UNC13B: variants seen among roughly 807,000 people sequenced by gnomAD.
UNC13B encodes the protein unc-13 homolog B.
In UNC13B, 144 loss-of-function variants were observed where a neutral mutation model predicts 211.0. The ratio of observed to expected loss-of-function variants is 0.68; its 90% confidence interval spans 0.60 to 0.78. The LOEUF (loss-of-function observed/expected upper bound fraction) is 0.78. Among genes scored for constraint, UNC13B ranks in the 30% least tolerant of loss-of-function variants. The pLI is 0.00. For missense variants in UNC13B, 1,777 were observed against 2,002.0 expected (o/e 0.89, Z 2.14); for synonymous variants, 709 against 725.8 (o/e 0.98, Z 0.37).
chr9:35,227,848 C>A, intron 1 of UNC13B, 167 bp from the exon 2 acceptor site: 1 of 528,082 alleles, frequency 1.9e-6, no homozygotes, highest in African/African-American at 2.0e-5. Context: ...TCTCGTCTGA[C>A]TCTTTGCCTT....
intron 7 of UNC13B, among the ~76,000 whole-genome samples, chr9:35,287,835 C>T (rs1262240973): frequency 6.6e-6 from 1 of 152,082 alleles, no homozygotes; most frequent in African/African-American, 2.4e-5. Context: ...GAGCTCCACA[C>T]CCGTATATCT....
At position 35,306,656 on chromosome 9, in the gene UNC13B, T is replaced by C. The variant is rs1331479984; in HGVS notation, c.7252T>C (p.Leu2418=). 1 of 398,934 alleles carries C rather than the reference T, an allele frequency of 2.5e-6. No individual in the cohort carries two copies. Among genetic ancestry groups the C allele is most frequent in the Non-Finnish European group, 4.4e-6 (1 of 226,084 alleles). 24.7% of individuals were successfully genotyped at this position (398,934 alleles called of 1,614,324 possible). The change falls in exon 9 of 40, where the codon TTA becomes CTA. Residue 2418 remains leucine (L), a synonymous_variant. Coordinates refer to ENST00000635942, the MANE Select transcript of UNC13B (RefSeq NM_001371189.2). ...ATTAGAAAAGGCCCCCGATGAGGTC[T>C]TACCACAGATCCTAGAGCCAGCCTC... ...LPLEKAPDEV[L]PQILEPASSS...
intron 10 of UNC13B, among the ~76,000 whole-genome samples, chr9:35,312,830 A>G (rs1308757736): frequency 6.6e-6 from 1 of 152,178 alleles, no homozygotes; most frequent in Non-Finnish European, 1.5e-5. Context: ...TCTCAAAGGT[A>G]TTTTGTTATG....
At chr9:35,184,806 G>C (rs1421299044) in intron 1 of UNC13B, among the ~76,000 whole-genome samples, 5 of 904 alleles carry the variant, frequency 5.5e-3, no homozygotes, top group Non-Finnish European at 0.026. Context: ...AGAAGCGGGG[G>C]GGGGGGGGGA....
intron 9 of UNC13B, among the ~76,000 whole-genome samples, chr9:35,309,454 G>A (rs1305173076): frequency 6.6e-6 from 1 of 152,054 alleles, no homozygotes; most frequent in Admixed American, 6.6e-5. Context: ...GTAAACACAA[G>A]CCCTTTAGTT....
chr9:35,206,315 GTCTC>G (rs915107442), intron 1 of UNC13B, among the ~76,000 whole-genome samples: 1 of 152,102 alleles, frequency 6.6e-6, no homozygotes, highest in Non-Finnish European at 1.5e-5. Context: ...CAATTATTGT[GTCTC>G]TCTACTTCCA....
intron 1 of UNC13B, among the ~76,000 whole-genome samples, chr9:35,203,964 A>G (rs1487158115): frequency 6.6e-6 from 1 of 152,238 alleles, no homozygotes; most frequent in Non-Finnish European, 1.5e-5. Flanking sequence ...AGCCTCTCCC[A>G]TCACAGGCCC....
intron 1 of UNC13B, among the ~76,000 whole-genome samples, chr9:35,165,014 A>G (rs776368852): frequency 6.6e-6 from 1 of 152,202 alleles, no homozygotes. Context: ...ATTTCCTTCT[A>G]AGAAGCATAT....
In UNC13B at chr9:35,248,689, G is replaced by A. The variant is rs182224166; in HGVS notation, c.468+5325G>A. On this transcript the variant is annotated intron_variant, in intron 6 of 39. Transcript: ENST00000635942. Reference sequence around the variant, plus strand: ...TTTTGAATGAGTTTATTACTCCTGAGTTCTAGTTTGATTGCACTGTGGTCT... The same window carrying A: ...TTTTGAATGAGTTTATTACTCCTGAATTCTAGTTTGATTGCACTGTGGTCT... 3.3e-3 allele frequency among the ~76,000 whole-genome samples: 506 copies of A among 152,268 alleles called. 14 individuals carry two copies. The highest frequency in any genetic ancestry group is 0.031 in the Admixed American group (477 of 15,286).
chr9:35,294,788 T>G (rs1284188825), intron 7 of UNC13B, among the ~76,000 whole-genome samples: 1 of 152,194 alleles, frequency 6.6e-6, no homozygotes, highest in Non-Finnish European at 1.5e-5. Context: ...TTCCTCTCTG[T>G]AAAACAGGCT....
In UNC13B at chr9:35,262,998, T is replaced by C. The variant is rs373048040; in HGVS notation, c.526+3948T>C. On this transcript the variant is annotated intron_variant, in intron 7 of 39. Transcript: ENST00000635942. ...CCTTTTTGGTCATTTATGATATTGA[T>C]CTTTTTTTATTTACAAAAATAGTTT... 2.0e-5 allele frequency among the ~76,000 whole-genome samples: 3 copies of C among 152,314 alleles called. No homozygotes were observed. The East Asian group carries it at 5.8e-4, about 29-fold the overall frequency.
In UNC13B at chr9:35,389,910, T is replaced by C; in HGVS notation, c.11159T>C (p.Leu3720Pro). Residue 3720 changes from leucine (L) to proline (P), a missense_variant, in exon 25 of 40, where the codon CTC becomes CCC. Transcript: ENST00000635942. ...SIRNLDFWPK[L>P]ITLIVSIIEE... ...CGGAACCTGGATTTCTGGCCCAAGC[T>C]CATCACACTCATCGTGTCAATCATA... 4 of 1,614,108 alleles carry C rather than the reference T, an allele frequency of 2.5e-6. No homozygotes were observed. The highest frequency in any genetic ancestry group is 2.5e-6 in the Non-Finnish European group (3 of 1,179,986).
intron 1 of UNC13B, among the ~76,000 whole-genome samples, chr9:35,194,606 C>T (rs538615004): frequency 1.3e-5 from 2 of 152,270 alleles, no homozygotes; most frequent in African/African-American, 4.8e-5. Flanking sequence ...CCACGCTAAC[C>T]GTGTTTTTAA....
chr9:35,271,867 C>T (rs956080693), intron 7 of UNC13B, among the ~76,000 whole-genome samples: 9 of 152,170 alleles, frequency 5.9e-5, no homozygotes, highest in Non-Finnish European at 1.0e-4. Context: ...TCCTGGCCAA[C>T]GTGGTGAAAC....
intron 12 of UNC13B, 87 bp downstream of exon 12, chr9:35,367,080 G>C: frequency 1.5e-6 from 2 of 1,315,882 alleles, no homozygotes; most frequent in Non-Finnish European, 2.2e-6. Flanking sequence ...AGGGGAACCA[G>C]CTTCATAAGC....
intron 3 of UNC13B, among the ~76,000 whole-genome samples, chr9:35,231,453 A>G (rs1825197526): frequency 6.6e-6 from 1 of 152,196 alleles, no homozygotes; most frequent in Non-Finnish European, 1.5e-5. Flanking sequence ...CTTAGAGATG[A>G]ATGATAATGC....
At chr9:35,247,528 A>C (rs1400384291) in intron 6 of UNC13B, among the ~76,000 whole-genome samples, 9 of 152,180 alleles carry the variant, frequency 5.9e-5, no homozygotes, top group Non-Finnish European at 1.2e-4. Context: ...GATACGTCCC[A>C]TCAGTACCTA....
chr9:35,255,963 A>G (rs1296472893), intron 6 of UNC13B, among the ~76,000 whole-genome samples: 1 of 152,162 alleles, frequency 6.6e-6, no homozygotes, highest in African/African-American at 2.4e-5. Flanking sequence ...AGTTCAGCCT[A>G]TGCCCAGGAA....
rs1427033585 is a variant in UNC13B at position 35,300,896 on chromosome 9, A to G, written c.1492A>G (p.Thr498Ala). The change falls in exon 9 of 40, where the codon ACT (threonine) becomes GCT (alanine). Residue 498 changes from threonine (T) to alanine (A), a missense_variant. Thr to Ala is a moderately conservative substitution (Grantham distance 58). Coordinates refer to ENST00000635942, the MANE Select transcript of UNC13B (RefSeq NM_001371189.2). ...KTKKSHKQNS[T>A]LDAEQRTPGD... ...TAAAAAATCACATAAACAAAATAGT[A>G]CTCTTGATGCAGAACAGAGAACGCC... 2.5e-6 allele frequency: 1 copy of G among 398,886 alleles called. No individual in the cohort carries two copies. The highest frequency in any genetic ancestry group is 4.4e-6 in the Non-Finnish European group (1 of 225,996). The allele number at this position is 398,886 out of a possible 1,614,324, so 24.7% of individuals were successfully genotyped here.
Sources: gnomAD v4.1 joint callset for allele counts (sites outside exome capture counted in the v4.1 genomes callset) on GRCh38, gnomAD v4.1.1 for gene constraint, MANE v1.5 for transcripts, NCBI Gene and HGNC (gene_info 2026-07-23, HGNC 2026-07-21) for gene names.